Variants in ZNF521 observed in about 807,000 individuals in gnomAD.
ZNF521 encodes the protein zinc finger protein 521.
A neutral mutation model predicts 105.5 loss-of-function variants in ZNF521; 14 were observed. The observed-to-expected ratio is 0.13, with a 90% confidence interval of 0.09 to 0.21. ZNF521 has a LOEUF of 0.21. Among genes scored for constraint, ZNF521 ranks in the 10% least tolerant of loss-of-function variants. ZNF521 has a pLI of 1.00. For missense variants in ZNF521, 1,233 were observed against 1,629.7 expected (o/e 0.76, Z 4.19); for synonymous variants, 635 against 606.0 (o/e 1.05, Z -0.70).
intron 3 of ZNF521, among the ~76,000 whole-genome samples, chr18:25,303,771 T>C (rs560377830): frequency 2.0e-4 from 31 of 152,310 alleles, no homozygotes; most frequent in African/African-American, 7.5e-4. Flanking sequence ...GATTTTTAAC[T>C]GTACAGGGAG....
intron 5 of ZNF521, among the ~76,000 whole-genome samples, chr18:25,092,543 T>C (rs1600006709): frequency 1.3e-5 from 2 of 152,366 alleles, no homozygotes; most frequent in Admixed American, 6.5e-5. Flanking sequence ...ACTATCTTTT[T>C]CTATTTCCAA....
chr18:25,080,902 A>G (rs2033478983), intron 7 of ZNF521, among the ~76,000 whole-genome samples: 1 of 152,358 alleles, frequency 6.6e-6, no homozygotes, highest in Non-Finnish European at 1.5e-5. Flanking sequence ...TCTAGATTGC[A>G]GAATGTTTTG....
At chr18:25,290,744 G>A (rs529982125) in intron 3 of ZNF521, among the ~76,000 whole-genome samples, 1 of 151,310 alleles carries the variant, frequency 6.6e-6, no homozygotes, top group African/African-American at 2.4e-5. Flanking sequence ...CTGAGTAGCT[G>A]GGATTACAGG....
intron 2 of ZNF521, among the ~76,000 whole-genome samples, chr18:25,337,317 T>C (rs1054313964): frequency 6.6e-6 from 1 of 152,064 alleles, no homozygotes; most frequent in Non-Finnish European, 1.5e-5. Context: ...AAATAAAAAT[T>C]TGGAAGTTCT....
intron 2 of ZNF521, among the ~76,000 whole-genome samples, chr18:25,344,526 G>T (rs1299257235): frequency 6.6e-6 from 1 of 152,008 alleles, no homozygotes; most frequent in Non-Finnish European, 1.5e-5. Context: ...AATTGAAATG[G>T]AATTAGAAAG....
intron 3 of ZNF521, among the ~76,000 whole-genome samples, chr18:25,241,046 A>G (rs1252256015): frequency 6.6e-6 from 1 of 151,792 alleles, no homozygotes; most frequent in Non-Finnish European, 1.5e-5. Context: ...AACAGTTATT[A>G]GGCGTCTCAT....
chr18:25,322,879 G>A (rs1425263152), intron 2 of ZNF521, among the ~76,000 whole-genome samples: 2 of 152,162 alleles, frequency 1.3e-5, no homozygotes, highest in Non-Finnish European at 2.9e-5. Flanking sequence ...TCAACAACTT[G>A]AGTTGGCATT....
intron 3 of ZNF521, among the ~76,000 whole-genome samples, chr18:25,270,305 G>T (rs986885269): frequency 6.6e-6 from 1 of 152,208 alleles, no homozygotes; most frequent in African/African-American, 2.4e-5. Flanking sequence ...ACCAAAAAAA[G>T]TCCAGGACCA....
At chr18:25,224,085 T>A (rs568260164) in intron 4 of ZNF521, 3 of 433,060 alleles carry the variant, frequency 6.9e-6, no homozygotes, top group African/African-American at 5.8e-5. Flanking sequence ...GCATGAGCGC[T>A]GGTCTCTTCA....
At position 25,075,965 on chromosome 18, in the gene ZNF521, A is replaced by AT. The variant is rs929536498; in HGVS notation, c.3907-13225dup. 1.3e-4 allele frequency among the ~76,000 whole-genome samples: 19 copies of AT among 151,326 alleles called. 1 individual carries two copies. The highest frequency in any genetic ancestry group is 6.3e-4 in the South Asian group (3 of 4,780). On this transcript the variant is annotated intron_variant, in intron 7 of 7. Transcript: ENST00000361524. ...AACTGTCAGCATATTTCTCAAAATC[A>AT]TTTTTTTTTGGAATGCAATGAAACG...
intron 2 of ZNF521, among the ~76,000 whole-genome samples, chr18:25,343,775 A>G (rs539032799): frequency 1.3e-3 from 191 of 152,316 alleles, no homozygotes; most frequent in Non-Finnish European, 2.1e-3. Flanking sequence ...TTACTATCCC[A>G]TAGAATTAAA....
At chr18:25,284,127 T>C (rs45453701) in intron 3 of ZNF521, among the ~76,000 whole-genome samples, 2 of 152,336 alleles carry the variant, frequency 1.3e-5, no homozygotes, top group African/African-American at 2.4e-5. Flanking sequence ...GGTGACATGG[T>C]GTCAAAAGAC....
At position 25,224,642 on chromosome 18, in the gene ZNF521, C is replaced by T. The variant is rs374120944; in HGVS notation, c.3276G>A (p.Leu1092=). 1.2e-6 allele frequency: 2 copies of T among 1,614,032 alleles called. No homozygotes were observed. The highest frequency in any genetic ancestry group is 2.7e-5 in the African/African-American group (2 of 74,912). Residue 1092 remains leucine, a synonymous_variant, in exon 4 of 8, where the codon CTG becomes CTA. Transcript: ENST00000361524. ...KLDINGLPYG[L]CAGCVNLSKS... is the part of the protein sequence containing the mutation. The stretch of plus-strand genomic sequence containing the variant: ...TACTGAGATTCACGCAGCCGGCACA[C>T]AGACCATATGGCAGGCCATTGATAT...
Position 25,322,415 on chromosome 18 carries a change from C to A in ZNF521, c.41-228G>T. 8 of 603,890 alleles carry A rather than the reference C, an allele frequency of 1.3e-5. No homozygotes were observed. In the South Asian group the frequency reaches 1.4e-4, roughly 10 times the overall value. 37.4% of individuals were successfully genotyped at this position (603,890 alleles called of 1,614,324 possible). A position where few individuals can be genotyped will look rare whatever the true frequency, so the allele number is the denominator to read the frequency against. ...CCTTTCCCCACCATGTAGCCCTTTT[C>A]CTCTCTCTCCCATCAAATCACTCAC... is the stretch of plus-strand genomic sequence containing the variant. On this transcript the variant is annotated intron_variant, in intron 2 of 7. Transcript: ENST00000361524.
chr18:25,198,864 T>C (rs1020176467), intron 4 of ZNF521, among the ~76,000 whole-genome samples: 2 of 151,938 alleles, frequency 1.3e-5, no homozygotes, highest in Non-Finnish European at 2.9e-5. Flanking sequence ...CTGAAACTAG[T>C]AGAAGACAGG....
At chr18:25,330,287 T>G (rs1913494002) in intron 2 of ZNF521, among the ~76,000 whole-genome samples, 1 of 152,058 alleles carries the variant, frequency 6.6e-6, no homozygotes, top group Non-Finnish European at 1.5e-5. Context: ...CCTCAGCCTC[T>G]CAAGTAGCTG....
chr18:25,288,736 G>C (rs1039668482), intron 3 of ZNF521, among the ~76,000 whole-genome samples: 2 of 152,054 alleles, frequency 1.3e-5, no homozygotes, highest in Admixed American at 6.5e-5. Flanking sequence ...GCTCACTTCA[G>C]AACACGTTAC....
intron 5 of ZNF521, among the ~76,000 whole-genome samples, chr18:25,171,759 A>G (rs2035452910): frequency 6.6e-6 from 1 of 152,134 alleles, no homozygotes; most frequent in African/African-American, 2.4e-5. Flanking sequence ...AGTTAATTCA[A>G]TGATGCTAAG....
At chr18:25,218,703 C>A (rs1343176571) in intron 4 of ZNF521, among the ~76,000 whole-genome samples, 1 of 150,846 alleles carries the variant, frequency 6.6e-6, no homozygotes, top group African/African-American at 2.5e-5. Flanking sequence ...AAAAAATTAG[C>A]CGGGAATGGT....
Sources: gnomAD v4.1 joint callset for allele counts (sites outside exome capture counted in the v4.1 genomes callset) on GRCh38, gnomAD v4.1.1 for gene constraint, MANE v1.5 for transcripts, NCBI Gene and HGNC (gene_info 2026-07-23, HGNC 2026-07-21) for gene names.